Variants in POLN observed in about 807,000 individuals in gnomAD.
POLN encodes the protein DNA polymerase N.
Under a neutral mutation model 113.5 loss-of-function variants are expected in POLN, and 108 were observed. The observed-to-expected ratio is 0.95, with a 90% CI of 0.81 to 1.12. The LOEUF (loss-of-function observed/expected upper bound fraction) is 1.12, where lower values mean the gene tolerates loss of function less well. Among genes scored for constraint, POLN ranks in the 50% most tolerant of loss-of-function variants. The pLI is 0.00. For synonymous variants in POLN, 386 were observed against 391.5 expected, an observed-to-expected ratio of 0.99 and a Z score of 0.17; for missense variants, 1,097 against 1,077.1, an observed-to-expected ratio of 1.02 and a Z score of -0.26.
At chr4:2,219,345 T>C (rs1442310456) in intron 3 of POLN, among the ~76,000 whole-genome samples, 2 of 152,190 alleles carry the variant, frequency 1.3e-5, no homozygotes, top group East Asian at 3.9e-4. Flanking sequence ...CAGGTTTCCC[T>C]GGCGGAAAGA....
intron 21 of POLN, chr4:2,083,030 C>G (rs1212366141): frequency 6.6e-6 from 1 of 152,194 alleles, no homozygotes; most frequent in African/African-American, 2.4e-5. Context: ...AAGGACTCTC[C>G]GCTCTGGATG....
rs564432507 is a variant in POLN at position 2,082,886 on chromosome 4, A to T, written c.2198-1143T>A. ...GAGGGTGTTTTGGCAGGCTTAAGTT[A>T]CTTGCCAATCATCTTGACCCTTTTG... On this transcript the variant is annotated intron_variant, in intron 21 of 25. Coordinates refer to ENST00000511885, the MANE Select transcript of POLN (RefSeq NM_181808.4). 8 of 152,294 alleles carry T rather than the reference A, an allele frequency of 5.3e-5. No homozygotes were observed. The East Asian group carries it at 1.5e-3, about 29-fold the overall frequency. The allele number at this position is 152,294 out of a possible 1,614,324, so 9.4% of individuals were successfully genotyped here.
chr4:2,174,824 C>CTT (rs35293526), intron 9 of POLN, 73 bp from the exon 10 acceptor site: 3,004 of 826,532 alleles, frequency 3.6e-3, no homozygotes, highest in Non-Finnish European at 4.4e-3. Context: ...GAAAAGCCTA[C>CTT]TTTTTTTTTT....
intron 19 of POLN, among the ~76,000 whole-genome samples, chr4:2,111,254 C>T (rs1378895588): frequency 2.0e-5 from 3 of 152,048 alleles, no homozygotes; most frequent in Non-Finnish European, 4.4e-5. Flanking sequence ...ATAATAAGAG[C>T]TATCTATGAC....
At chr4:2,155,162 AC>A (rs1190144745) in intron 16 of POLN, among the ~76,000 whole-genome samples, 1 of 152,262 alleles carries the variant, frequency 6.6e-6, no homozygotes, top group East Asian at 1.9e-4. Flanking sequence ...AGAAGTATCA[AC>A]TAAGAGAAAC....
intron 19 of POLN, among the ~76,000 whole-genome samples, chr4:2,113,529 A>G (rs1731247350): frequency 6.6e-6 from 1 of 151,934 alleles, no homozygotes; most frequent in African/African-American, 2.4e-5. Flanking sequence ...TTGATGTCTT[A>G]CATTTTACTT....
chr4:2,072,964 T>C lies in POLN; in HGVS notation c.2517+4A>G. 6.2e-7 allele frequency: 1 copy of C among 1,612,994 alleles called. No homozygotes were observed. Among genetic ancestry groups the C allele is most frequent in the Middle Eastern group, 1.7e-4 (1 of 6,050 alleles). Reference sequence around the variant, plus strand: ...AGACCGGGCAGGCTTAAGTGTCCCCTCACCTGAAGCTGCAGCTCCAATGCC... The same window carrying C: ...AGACCGGGCAGGCTTAAGTGTCCCCCCACCTGAAGCTGCAGCTCCAATGCC... On this transcript the variant is annotated splice_donor_region_variant and intron_variant, in intron 25 of 25. Coordinates refer to ENST00000511885, the MANE Select transcript of POLN (RefSeq NM_181808.4).
chr4:2,120,379 G>T (rs561900375), intron 19 of POLN, among the ~76,000 whole-genome samples: 12 of 151,500 alleles, frequency 7.9e-5, no homozygotes, highest in African/African-American at 2.9e-4. Context: ...TCCATACCCC[G>T]AACATGGTAT....
intron 3 of POLN, among the ~76,000 whole-genome samples, chr4:2,218,126 G>A (rs909698939): frequency 7.9e-5 from 12 of 151,924 alleles, no homozygotes; most frequent in African/African-American, 2.9e-4. Flanking sequence ...GTCTCTTGGG[G>A]AAAAATAAAA....
At chr4:2,111,874 G>C (rs1008658044) in intron 19 of POLN, among the ~76,000 whole-genome samples, 3 of 152,168 alleles carry the variant, frequency 2.0e-5, no homozygotes, top group African/African-American at 4.8e-5. Flanking sequence ...TTTCTTCACA[G>C]AATTGGAAAA....
intron 7 of POLN, among the ~76,000 whole-genome samples, chr4:2,186,077 T>G (rs555644239): frequency 6.6e-6 from 1 of 152,304 alleles, no homozygotes; most frequent in East Asian, 1.9e-4. Context: ...AAAAACTCCA[T>G]GCAGACAGTA....
At chr4:2,089,124 T>A (rs1270395815) in intron 20 of POLN, 20 of 1,173,676 alleles carry the variant, frequency 1.7e-5, no homozygotes, top group Admixed American at 6.4e-5. Flanking sequence ...GGGTTTTTTT[T>A]ATAAGGACCC....
At chr4:2,078,243 A>G (rs1259772903) in intron 23 of POLN, among the ~76,000 whole-genome samples, 1 of 152,250 alleles carries the variant, frequency 6.6e-6, no homozygotes, top group Non-Finnish European at 1.5e-5. Flanking sequence ...AAGGGCCTGC[A>G]CCAGAAGAGA....
intron 13 of POLN, among the ~76,000 whole-genome samples, chr4:2,165,026 TACAAA>T (rs1017942865): frequency 3.3e-5 from 5 of 152,138 alleles, no homozygotes; most frequent in East Asian, 1.9e-4. Flanking sequence ...GGCGGTTTCT[TACAAA>T]ACTAAATGTA....
At chr4:2,202,834 A>C (rs1733751456) in intron 5 of POLN, among the ~76,000 whole-genome samples, 2 of 152,252 alleles carry the variant, frequency 1.3e-5, no homozygotes, top group South Asian at 4.1e-4. Flanking sequence ...CTAACGCTGA[A>C]GTGCCCAAAT....
intron 19 of POLN, among the ~76,000 whole-genome samples, chr4:2,122,025 T>C (rs1440018315): frequency 6.6e-6 from 1 of 152,206 alleles, no homozygotes; most frequent in Non-Finnish European, 1.5e-5. Flanking sequence ...AAAAATGCTT[T>C]GCTGTAATAC....
chr4:2,128,997 G>A (rs1264317342), intron 18 of POLN, among the ~76,000 whole-genome samples, 182 bp downstream of exon 18: 1 of 149,072 alleles, frequency 6.7e-6, no homozygotes, highest in Non-Finnish European at 1.5e-5. Context: ...AGAGGTTGCA[G>A]TGAGTCAAGA....
Position 2,089,321 on chromosome 4 carries a change from A to G in POLN, c.2066-3577T>C. ...GCCAATGACAACATAGATCCTGTTA[A>G]TTCTGATATTCCTGGTGAAGACTGA... On this transcript the variant is annotated intron_variant, in intron 20 of 25. Transcript: ENST00000511885. 3 of 1,387,280 alleles carry G rather than the reference A, an allele frequency of 2.2e-6. No homozygotes were observed. In the Admixed American group the frequency reaches 6.1e-5, roughly 28 times the overall value. 85.9% of individuals were successfully genotyped at this position (1,387,280 alleles called of 1,614,324 possible).
chr4:2,194,778 G>A (rs1290514396), intron 6 of POLN, among the ~76,000 whole-genome samples: 2 of 152,104 alleles, frequency 1.3e-5, no homozygotes, highest in Non-Finnish European at 2.9e-5. Flanking sequence ...TAAAGTCCTA[G>A]CTACTGGGGT....
Sources: allele counts gnomAD v4.1 joint callset (sites outside exome capture counted in the v4.1 genomes callset), GRCh38; gene constraint gnomAD v4.1.1; transcripts MANE v1.5; gene names NCBI Gene and HGNC (gene_info 2026-07-23, HGNC 2026-07-21).